RERE: variants seen among roughly 807,000 people sequenced by gnomAD.
RERE encodes arginine-glutamic acid dipeptide repeats protein.
Under a neutral mutation model 146.1 loss-of-function variants are expected in RERE, and 40 were observed. The ratio of observed to expected loss-of-function variants is 0.27; its 90% CI spans 0.21 to 0.36. The LOEUF is 0.36. Ranked by LOEUF, RERE falls within the 10% of genes least tolerant of loss-of-function variation. The pLI, the probability that RERE is intolerant of heterozygous loss-of-function variation, is 1.00. For missense variants in RERE, 1,933 were observed against 2,138.7 expected, an observed-to-expected ratio of 0.90 and a Z score of 1.90; for synonymous variants, 1,003 against 866.0, an observed-to-expected ratio of 1.16 and a Z score of -2.78.
At chr1:8,658,542 G>A (rs1378755962) in intron 1 of RERE, among the ~76,000 whole-genome samples, 1 of 152,054 alleles carries the variant, frequency 6.6e-6, no homozygotes, top group Non-Finnish European at 1.5e-5. Context: ...CAGATCACGA[G>A]GTCAGGAGGT....
intron 4 of RERE, among the ~76,000 whole-genome samples, chr1:8,602,085 C>A (rs146001477): frequency 6.6e-6 from 1 of 152,138 alleles, no homozygotes; most frequent in East Asian, 1.9e-4. Flanking sequence ...TACATAATGG[C>A]CAAACATAAA....
intron 7 of RERE, chr1:8,512,012 C>G (rs1645343991): frequency 1.7e-5 from 1 of 57,336 alleles, no homozygotes; most frequent in Admixed American, 2.0e-4. Context: ...GTAGGAAACA[C>G]TCTTTTTTTT....
intron 11 of RERE, chr1:8,465,389 T>A (rs897104823): frequency 4.0e-6 from 1 of 251,462 alleles, no homozygotes; most frequent in African/African-American, 2.2e-5. Context: ...ACAAGCCCTA[T>A]AAAAACAAGT....
chr1:8,702,506 A>G (rs556921392), intron 1 of RERE, among the ~76,000 whole-genome samples: 250 of 152,222 alleles, frequency 1.6e-3, no homozygotes, highest in Admixed American at 2.8e-3. Flanking sequence ...AACAATCGTC[A>G]AGAGTACCTC....
At chr1:8,710,673 G>C (rs183680952) in intron 1 of RERE, among the ~76,000 whole-genome samples, 24 of 151,960 alleles carry the variant, frequency 1.6e-4, no homozygotes, top group African/African-American at 5.8e-4. Context: ...TGCCCACCAC[G>C]CCCGGCTAAT....
intron 12 of RERE, among the ~76,000 whole-genome samples, chr1:8,379,379 GCTCT>G (rs143028168): frequency 0.021 from 3,130 of 152,246 alleles, 115 homozygotes; most frequent in African/African-American, 0.073. Context: ...AATGTGTGAG[GCTCT>G]CTGACCACCA....
chr1:8,466,051 A>G, intron 10 of RERE, 28 bp from the exon 11 acceptor site: 2 of 1,558,480 alleles, frequency 1.3e-6, no homozygotes, highest in Non-Finnish European at 1.8e-6. Context: ...ATAGTTAGCT[A>G]ACTGCACCAA....
intron 7 of RERE, among the ~76,000 whole-genome samples, chr1:8,515,809 G>A (rs1265731955): frequency 6.6e-6 from 1 of 152,050 alleles, no homozygotes; most frequent in African/African-American, 2.4e-5. Context: ...ACATATAAAG[G>A]ATACTACTGT....
intron 12 of RERE, among the ~76,000 whole-genome samples, chr1:8,415,098 A>G (rs532110944): frequency 3.3e-5 from 5 of 152,360 alleles, no homozygotes; most frequent in East Asian, 1.9e-4. Flanking sequence ...CTAGATAGAT[A>G]TATTTTTAAA....
chr1:8,703,627 T>C lies in RERE; in HGVS notation c.-144-47186A>G, dbSNP rs78801491. On this transcript the variant is annotated intron_variant, in intron 1 of 22. Coordinates refer to ENST00000400908, the MANE Select transcript of RERE (RefSeq NM_001042681.2). ...CAGCCGGAACTGGGAGCCTGCGTGA[T>C]TGATGGCAGCTCTTAATAGCGTGGT... 4.5e-4 allele frequency among the ~76,000 whole-genome samples: 68 copies of C among 152,306 alleles called. No homozygotes were observed. The East Asian group carries it at 0.013, about 30-fold the overall frequency.
chr1:8,443,466 A>AG lies in RERE; in HGVS notation c.1204-20660_1204-20659insC, dbSNP rs199611218. ...GACTCAGTCTCAAAAAAAGAAAAAA[A>AG]AAAAAAAAAAAAAGAAAGAAAAGCT... On this transcript the variant is annotated intron_variant, in intron 11 of 22. Coordinates refer to ENST00000400908, the MANE Select transcript of RERE (RefSeq NM_001042681.2). Among the ~76,000 whole-genome samples the AG allele has an allele frequency of 6.8e-3, 1,026 of 150,612 alleles. 8 individuals are homozygous for AG. The highest frequency in any genetic ancestry group is 0.012 in the Non-Finnish European group (824 of 67,614).
At chr1:8,572,947 T>A (rs1646239886) in intron 4 of RERE, among the ~76,000 whole-genome samples, 1 of 152,240 alleles carries the variant, frequency 6.6e-6, no homozygotes, top group Non-Finnish European at 1.5e-5. Context: ...CAGGAAAAAC[T>A]GTATTGTGAC....
At chr1:8,816,974 C>G (rs1641925016) in intron 1 of RERE, among the ~76,000 whole-genome samples, 186 bp downstream of exon 1, 1 of 152,178 alleles carries the variant, frequency 6.6e-6, no homozygotes, top group South Asian at 2.1e-4. Context: ...GTCACCTGGC[C>G]CGGACAGGAC....
At chr1:8,407,845 G>A (rs1327205642) in intron 12 of RERE, among the ~76,000 whole-genome samples, 11 of 152,134 alleles carry the variant, frequency 7.2e-5, no homozygotes, top group Admixed American at 4.6e-4. Context: ...GATCAAAGGC[G>A]TGCTGCTGTT....
chr1:8,514,317 G>C (rs1645382108), intron 7 of RERE, among the ~76,000 whole-genome samples: 2 of 152,224 alleles, frequency 1.3e-5, no homozygotes, highest in African/African-American at 4.8e-5. Flanking sequence ...GAAAAAAGTG[G>C]CTAGCTTCGC....
chr1:8,426,449 CAAAA>C (rs36061391), intron 11 of RERE, among the ~76,000 whole-genome samples: 7 of 109,886 alleles, frequency 6.4e-5, no homozygotes, highest in African/African-American at 6.8e-5. Flanking sequence ...GACTCTGTCT[CAAAA>C]AAAAAAAAAA....
At chr1:8,731,671 A>G (rs1032425296) in intron 1 of RERE, among the ~76,000 whole-genome samples, 2 of 152,150 alleles carry the variant, frequency 1.3e-5, no homozygotes, top group African/African-American at 4.8e-5. Flanking sequence ...AAACCCAAAG[A>G]AACCAGGGGT....
At chr1:8,412,699 A>G (rs569203323) in intron 12 of RERE, among the ~76,000 whole-genome samples, 1 of 152,370 alleles carries the variant, frequency 6.6e-6, no homozygotes, top group Non-Finnish European at 1.5e-5. Flanking sequence ...ACCGCTGCGC[A>G]AACAGGAGAG....
At chr1:8,684,789 A>G (rs1639048210) in intron 1 of RERE, among the ~76,000 whole-genome samples, 1 of 152,184 alleles carries the variant, frequency 6.6e-6, no homozygotes, top group Non-Finnish European at 1.5e-5. Flanking sequence ...CTAATTGGTC[A>G]CCTCCAGAAG....
Sources: gnomAD v4.1 joint callset for allele counts (sites outside exome capture counted in the v4.1 genomes callset) on GRCh38, gnomAD v4.1.1 for gene constraint, MANE v1.5 for transcripts, NCBI Gene and HGNC (gene_info 2026-07-23, HGNC 2026-07-21) for gene names.